Variants in ARRDC5 observed in about 807,000 individuals in gnomAD.
The protein encoded by ARRDC5 is arrestin domain-containing protein 5.
A neutral mutation model predicts 13.3 loss-of-function variants in ARRDC5; 12 were observed. The ratio of observed to expected loss-of-function variants is 0.90; its 90% CI spans 0.58 to 1.46. The LOEUF (loss-of-function observed/expected upper bound fraction) is 1.46, where lower values mean the gene tolerates loss of function less well. Ranked by LOEUF, ARRDC5 falls within the 40% of genes most tolerant of loss-of-function variation. ARRDC5 has a pLI of 0.00. For missense variants in ARRDC5, 406 were observed against 418.7 expected (o/e 0.97, Z 0.26); for synonymous variants, 181 against 173.4 (o/e 1.04, Z -0.34).
intron 2 of ARRDC5, among the ~76,000 whole-genome samples, chr19:4,892,341 G>A (rs12971641): frequency 0.075 from 11,347 of 151,366 alleles, 594 homozygotes; most frequent in Middle Eastern, 0.19. Context: ...CGCCTGCCTC[G>A]GCCTACCAAA....
At chr19:4,915,305 G>A in the ARRDC5 span, among the ~76,000 whole-genome samples, 1 of 152,212 alleles carries the variant, frequency 6.6e-6, no homozygotes, top group African/African-American at 2.4e-5. Context: ...TGGCTCCCTG[G>A]TAGAGGGCGC....
the ARRDC5 span, chr19:4,909,566 C>G: frequency 1.8e-5 from 12 of 657,512 alleles, no homozygotes; most frequent in Non-Finnish European, 3.0e-5. Flanking sequence ...CGCAAGTCCG[C>G]GCGGGGTCCG....
the ARRDC5 span, among the ~76,000 whole-genome samples, chr19:4,909,995 C>T: frequency 6.6e-6 from 1 of 150,916 alleles, no homozygotes; most frequent in Admixed American, 6.6e-5. Flanking sequence ...TTCGCGCGCC[C>T]TGAGTTCCCC....
At chr19:4,910,116 C>T in the ARRDC5 span, 7 of 151,982 alleles carry the variant, frequency 4.6e-5, no homozygotes, top group African/African-American at 1.2e-4. Flanking sequence ...CGGGGGCCCC[C>T]TCTGTAGTCC....
intron 1 of ARRDC5, among the ~76,000 whole-genome samples, chr19:4,898,911 C>A (rs941335601): frequency 2.0e-5 from 3 of 151,842 alleles, no homozygotes; most frequent in Non-Finnish European, 4.4e-5. Flanking sequence ...CAGGCGTGAG[C>A]CACCGTGCCC....
intron 2 of ARRDC5, among the ~76,000 whole-genome samples, chr19:4,895,422 CAAAAA>C (rs1039157516): frequency 1.4e-5 from 1 of 70,712 alleles, no homozygotes; most frequent in African/African-American, 4.8e-5. Context: ...GACTCCGTCT[CAAAAA>C]AAAAAAAAAA....
intron 1 of ARRDC5, among the ~76,000 whole-genome samples, chr19:4,901,769 A>G (rs920634360): frequency 2.0e-5 from 3 of 152,156 alleles, no homozygotes; most frequent in Non-Finnish European, 4.4e-5. Context: ...CAATGGACAT[A>G]TAATTTCCCC....
At position 4,900,975 on chromosome 19, in the gene ARRDC5, C is replaced by T. The variant is rs372997271; in HGVS notation, c.253+1598G>A. ...TGGAGGTTGCAGTGAGCCAAGATTA[C>T]GCCACTGCACTCCAGCCTGGGCAAC... On this transcript the variant is annotated intron_variant, in intron 1 of 2. Transcript: ENST00000650722. 1.2e-3 allele frequency among the ~76,000 whole-genome samples: 184 copies of T among 151,428 alleles called. 1 individual carries two copies. The South Asian group carries it at 0.028, about 23-fold the overall frequency.
At chr19:4,911,539 T>C in the ARRDC5 span, among the ~76,000 whole-genome samples, 1 of 152,170 alleles carries the variant, frequency 6.6e-6, no homozygotes, top group Non-Finnish European at 1.5e-5. Flanking sequence ...AGATGGCGCT[T>C]GCTAATCAGG....
chr19:4,911,949 C>T, the ARRDC5 span, among the ~76,000 whole-genome samples: 6 of 152,236 alleles, frequency 3.9e-5, no homozygotes, highest in East Asian at 3.9e-4. Context: ...GATTTTGAAC[C>T]GGGTACTGCT....
the ARRDC5 span, chr19:4,909,666 GGGCC>G: frequency 1.9e-6 from 1 of 528,764 alleles, no homozygotes. Context: ...GTGAGCGGGC[GGGCC>G]GGGTCGGGGT....
At chr19:4,896,949 C>A in intron 1 of ARRDC5, 73 bp from the exon 2 acceptor site, 1 of 953,380 alleles carries the variant, frequency 1.0e-6, no homozygotes, top group Non-Finnish European at 1.6e-6. Flanking sequence ...TTTTTTTTTG[C>A]TTTATTTTTA....
the ARRDC5 span, chr19:4,909,409 C>T: frequency 1.5e-6 from 1 of 650,556 alleles, no homozygotes; most frequent in African/African-American, 1.9e-5. Context: ...CCCGCCACTG[C>T]GTCGGCCAAT....
chr19:4,894,562 T>C (rs1220824373), intron 2 of ARRDC5, among the ~76,000 whole-genome samples: 5 of 136,868 alleles, frequency 3.7e-5, no homozygotes, highest in Non-Finnish European at 6.1e-5. Flanking sequence ...TGGGTGCCTG[T>C]AGTCCCAGCT....
At chr19:4,914,595 CTT>C in the ARRDC5 span, among the ~76,000 whole-genome samples, 1 of 151,488 alleles carries the variant, frequency 6.6e-6, no homozygotes, top group African/African-American at 2.4e-5. Context: ...AGGGCAGTGA[CTT>C]TGGGCAGACG....
chr19:4,898,670 T>A (rs2031812690), intron 1 of ARRDC5, among the ~76,000 whole-genome samples: 1 of 150,018 alleles, frequency 6.7e-6, no homozygotes, highest in South Asian at 2.1e-4. Flanking sequence ...TTGGCCTTTT[T>A]TTTTTTTTTT....
intron 2 of ARRDC5, among the ~76,000 whole-genome samples, chr19:4,894,240 G>A (rs1445912306): frequency 6.6e-6 from 1 of 151,092 alleles, no homozygotes; most frequent in Admixed American, 6.6e-5. Context: ...GGCCGGGCGC[G>A]GTGGCTCACG....
At chr19:4,903,941 G>A (rs536931676), upstream of ARRDC5, among the ~76,000 whole-genome samples, 4 of 152,170 alleles carry the variant, frequency 2.6e-5, no homozygotes, top group South Asian at 2.1e-4. Context: ...TCTGAACATC[G>A]ACACCATCAG....
Position 4,891,384 on chromosome 19 carries a change from G to A in ARRDC5, c.649C>T (p.Gln217Ter), listed in dbSNP as rs367661784. ...TVVFALYAHI[Q>*]YEGFTPSAER... Reference sequence around the variant, plus strand: ...GCACTGGGCGTGAAGCCCTCGTACTGTATGTGGGCATACAGGGCGAATACG... The same window carrying A: ...GCACTGGGCGTGAAGCCCTCGTACTATATGTGGGCATACAGGGCGAATACG... The change falls in exon 3 of 3, where the codon CAG becomes TAG. Residue 217 changes from glutamine to a stop codon, truncating the protein, a stop_gained. Transcript: ENST00000650722. LOFTEE classifies it low-confidence loss of function (END_TRUNC). 5.6e-6 allele frequency: 9 copies of A among 1,613,586 alleles called. No homozygotes were observed. The highest frequency in any genetic ancestry group is 5.5e-5 in the South Asian group (5 of 91,084).
Sources: gnomAD v4.1 joint callset for allele counts (sites outside exome capture counted in the v4.1 genomes callset) on GRCh38, gnomAD v4.1.1 for gene constraint, MANE v1.5 for transcripts, NCBI Gene and HGNC (gene_info 2026-07-23, HGNC 2026-07-21) for gene names.